DOK6: variants seen among roughly 807,000 people sequenced by gnomAD.
DOK6 encodes downstream of tyrosine kinase 6.
In DOK6, 22 loss-of-function variants were observed where a neutral mutation model predicts 44.0. The ratio of observed to expected loss-of-function variants is 0.50; its 90% CI spans 0.36 to 0.71. The LOEUF is 0.71. DOK6 is among the 30% of genes least tolerant of loss of function. The pLI, the probability that DOK6 is intolerant of heterozygous loss-of-function variation, is 0.00. For synonymous variants in DOK6, 166 were observed against 145.5 expected (o/e 1.14, Z -1.01); for missense variants, 340 against 416.4 (o/e 0.82, Z 1.60).
chr18:69,419,291 G>A (rs944822922), intron 1 of DOK6, among the ~76,000 whole-genome samples: 3 of 152,082 alleles, frequency 2.0e-5, no homozygotes, highest in South Asian at 2.1e-4. Flanking sequence ...TAGCTATCTT[G>A]ATACTCATGG....
intron 1 of DOK6, 100 bp downstream of exon 1, chr18:69,401,410 CAG>C: frequency 3.1e-6 from 4 of 1,279,542 alleles, no homozygotes; most frequent in Non-Finnish European, 4.1e-6. Flanking sequence ...GGGTACAGGG[CAG>C]AGAGGGACCC....
At position 69,690,425 on chromosome 18, in the gene DOK6, T is replaced by C. The variant is rs183237034; in HGVS notation, c.410-7979T>C. Among the ~76,000 whole-genome samples, 253 of 152,356 alleles carry C rather than the reference T, an allele frequency of 1.7e-3. 1 individual carries two copies. The highest frequency in any genetic ancestry group is 2.9e-3 in the Non-Finnish European group (196 of 68,036). On this transcript the variant is annotated intron_variant, in intron 4 of 7. Transcript: ENST00000382713. ...GTTTTGTTTATTCGTGGTTTAATTG[T>C]ATTATACAGATCTAAGGATGGGTCT...
In DOK6 at chr18:69,845,697, G is replaced by GC. The variant is rs1982331377; in HGVS notation, c.*4316dup. On this transcript the variant is annotated 3_prime_UTR_variant, in exon 8 of 8. Coordinates refer to ENST00000382713, the MANE Select transcript of DOK6 (RefSeq NM_152721.6). Reference sequence around the variant, plus strand: ...TACCTTTCTAACATTCTAACCCAAGGCCAGTGTCATGGGCTTGGCTTTCTT... The same window carrying GC: ...TACCTTTCTAACATTCTAACCCAAGGCCCAGTGTCATGGGCTTGGCTTTCTT... 6.6e-6 allele frequency: 1 copy of GC among 152,124 alleles called. No homozygotes were observed. 9.4% of individuals were successfully genotyped at this position (152,124 alleles called of 1,614,324 possible).
At chr18:69,572,938 ATG>A (rs998020768) in intron 2 of DOK6, among the ~76,000 whole-genome samples, 39 of 151,934 alleles carry the variant, frequency 2.6e-4, no homozygotes, top group African/African-American at 8.7e-4. Context: ...TACTTAGAAA[ATG>A]TTTTCAAGAA....
At chr18:69,713,335 T>C (rs1475079517) in intron 5 of DOK6, among the ~76,000 whole-genome samples, 2 of 152,238 alleles carry the variant, frequency 1.3e-5, no homozygotes, top group African/African-American at 4.8e-5. Flanking sequence ...GATATGTTTA[T>C]TTCTGTCATC....
chr18:69,543,481 A>G (rs996144), intron 1 of DOK6, among the ~76,000 whole-genome samples: 8,558 of 151,500 alleles, frequency 0.056, 835 homozygotes, highest in African/African-American at 0.19. Flanking sequence ...CTACATCTCT[A>G]TTTTCTCCAT....
intron 2 of DOK6, among the ~76,000 whole-genome samples, chr18:69,573,702 C>G (rs957445939): frequency 6.6e-6 from 1 of 151,706 alleles, no homozygotes; most frequent in Non-Finnish European, 1.5e-5. Flanking sequence ...TAAATATTAC[C>G]TAAGGCTTGT....
intron 1 of DOK6, among the ~76,000 whole-genome samples, chr18:69,503,434 T>C (rs1981099745): frequency 6.6e-6 from 1 of 151,968 alleles, no homozygotes; most frequent in Admixed American, 6.6e-5. Context: ...GAGGAGGAAA[T>C]AAGAAAGTGC....
At chr18:69,454,657 C>T (rs1979569889) in intron 1 of DOK6, among the ~76,000 whole-genome samples, 1 of 118,770 alleles carries the variant, frequency 8.4e-6, no homozygotes, top group African/African-American at 3.0e-5. Context: ...TTGGAACCAA[C>T]CCAAATGTCC....
intron 5 of DOK6, among the ~76,000 whole-genome samples, chr18:69,725,996 T>C (rs1978305073): frequency 6.6e-6 from 1 of 152,150 alleles, no homozygotes; most frequent in African/African-American, 2.4e-5. Flanking sequence ...CTGTGTCTTG[T>C]AGATGAAGTC....
intron 1 of DOK6, among the ~76,000 whole-genome samples, chr18:69,402,325 G>A (rs1366982024): frequency 6.6e-6 from 1 of 152,236 alleles, no homozygotes; most frequent in Non-Finnish European, 1.5e-5. Flanking sequence ...CCGGGGCAAA[G>A]GGTCCTTGAG....
At chr18:69,480,335 A>T (rs2144529744) in intron 1 of DOK6, among the ~76,000 whole-genome samples, 1 of 152,224 alleles carries the variant, frequency 6.6e-6, no homozygotes, top group Middle Eastern at 3.4e-3. Context: ...TTTACCACTC[A>T]TTTTGATATG....
chr18:69,645,826 C>T (rs1438526454), intron 3 of DOK6, among the ~76,000 whole-genome samples: 1 of 152,102 alleles, frequency 6.6e-6, no homozygotes, highest in African/African-American at 2.4e-5. Context: ...TAAACAAAGA[C>T]AGCATTTCCT....
chr18:69,637,885 T>A (rs1457925608), intron 3 of DOK6, among the ~76,000 whole-genome samples: 3 of 152,142 alleles, frequency 2.0e-5, no homozygotes, highest in East Asian at 3.9e-4. Context: ...TTTTAAGTTT[T>A]TTTTTTTAAT....
intron 7 of DOK6, among the ~76,000 whole-genome samples, chr18:69,827,518 T>C (rs922660424): frequency 7.2e-5 from 11 of 152,072 alleles, no homozygotes; most frequent in African/African-American, 2.2e-4. Flanking sequence ...ATTTTGATAA[T>C]TACATATCAA....
At chr18:69,662,399 C>T (rs555456598) in intron 3 of DOK6, 1 of 152,298 alleles carries the variant, frequency 6.6e-6, no homozygotes, top group African/African-American at 2.4e-5. Flanking sequence ...GGAAGGATTG[C>T]TGCTGATGTA....
chr18:69,534,849 TAA>T (rs1156753225), intron 1 of DOK6, among the ~76,000 whole-genome samples: 1 of 152,262 alleles, frequency 6.6e-6, no homozygotes, highest in Middle Eastern at 3.4e-3. Context: ...ATAAATTATA[TAA>T]GACATAAAAT....
intron 1 of DOK6, among the ~76,000 whole-genome samples, chr18:69,545,474 A>G (rs1428011775): frequency 2.0e-5 from 3 of 149,680 alleles, no homozygotes; most frequent in Admixed American, 2.0e-4. Flanking sequence ...ATGATCTGGT[A>G]ACAAAATCAG....
intron 1 of DOK6, among the ~76,000 whole-genome samples, chr18:69,481,167 A>C (rs781407477): frequency 1.3e-5 from 2 of 152,094 alleles, no homozygotes; most frequent in African/African-American, 2.4e-5. Flanking sequence ...TGAGGTTCAT[A>C]TCTGAGAGTG....
Sources: allele counts gnomAD v4.1 joint callset (sites outside exome capture counted in the v4.1 genomes callset), GRCh38; gene constraint gnomAD v4.1.1; transcripts MANE v1.5; gene names NCBI Gene and HGNC (gene_info 2026-07-23, HGNC 2026-07-21).